The following ZHX2 variants were observed in gnomAD, a reference collection of about 807,000 sequenced individuals.
ZHX2 encodes the protein zinc fingers and homeoboxes protein 2.
ZHX2 carries 6 observed loss-of-function variants against 21.9 expected under a neutral mutation model. The observed-to-expected ratio is 0.27, with a 90% CI of 0.15 to 0.54. ZHX2 has a LOEUF of 0.54. Ranked by LOEUF, ZHX2 falls within the 20% of genes least tolerant of loss-of-function variation. The probability of loss-of-function intolerance (pLI) is 0.95; values close to 1 mark genes in which losing one functional copy is unlikely to be tolerated. For synonymous variants in ZHX2, 434 were observed against 437.1 expected (o/e 0.99, Z 0.09); for missense variants, 908 against 1,090.7 (o/e 0.83, Z 2.36).
At chr8:122,912,275 T>C (rs1469704476) in intron 2 of ZHX2, among the ~76,000 whole-genome samples, 3 of 152,184 alleles carry the variant, frequency 2.0e-5, no homozygotes, top group Admixed American at 2.0e-4. Context: ...GCCTTTTCAA[T>C]GCCTCTCCAG....
chr8:122,865,360 CCT>C (rs1819266406), intron 2 of ZHX2, among the ~76,000 whole-genome samples: 1 of 152,098 alleles, frequency 6.6e-6, no homozygotes, highest in East Asian at 1.9e-4. Context: ...GATCTCCTGA[CCT>C]CATGATCCGC....
At chr8:122,885,609 C>T (rs768510174) in intron 2 of ZHX2, among the ~76,000 whole-genome samples, 5 of 152,264 alleles carry the variant, frequency 3.3e-5, no homozygotes, top group Non-Finnish European at 7.3e-5. Context: ...TCCAAGGGGA[C>T]ATTGGGCAAC....
chr8:122,905,925 C>T (rs2129969268), intron 2 of ZHX2, among the ~76,000 whole-genome samples: 1 of 152,296 alleles, frequency 6.6e-6, no homozygotes. Flanking sequence ...AGCTTCCTCC[C>T]TTTTTTATAT....
chr8:122,964,472 C>T (rs1813530350), intron 3 of ZHX2, among the ~76,000 whole-genome samples: 1 of 151,984 alleles, frequency 6.6e-6, no homozygotes, highest in East Asian at 1.9e-4. Flanking sequence ...TAAACCAGCC[C>T]TGCATCCCTG....
chr8:122,881,847 G>A (rs536028947), intron 2 of ZHX2, among the ~76,000 whole-genome samples: 7 of 152,200 alleles, frequency 4.6e-5, no homozygotes, highest in East Asian at 3.9e-4. Flanking sequence ...GCCACTGCGC[G>A]ACTCTCACTA....
chr8:122,963,141 T>G (rs1018518899), intron 3 of ZHX2, among the ~76,000 whole-genome samples: 7 of 152,178 alleles, frequency 4.6e-5, no homozygotes, highest in Admixed American at 6.5e-5. Flanking sequence ...TCCCATCTAT[T>G]TATCTTTGTT....
chr8:122,851,395 G>A (rs1393655291), intron 1 of ZHX2, among the ~76,000 whole-genome samples: 1 of 152,214 alleles, frequency 6.6e-6, no homozygotes, highest in Non-Finnish European at 1.5e-5. Context: ...GATGATGACT[G>A]TGGTGATTAT....
At chr8:122,830,543 C>T (rs1818353772) in intron 1 of ZHX2, among the ~76,000 whole-genome samples, 1 of 152,090 alleles carries the variant, frequency 6.6e-6, no homozygotes, top group Non-Finnish European at 1.5e-5. Context: ...AAAAGAAAAC[C>T]TTAATTTTTA....
At chr8:122,840,957 T>C (rs1818610523) in intron 1 of ZHX2, among the ~76,000 whole-genome samples, 1 of 152,212 alleles carries the variant, frequency 6.6e-6, no homozygotes, top group East Asian at 1.9e-4. Context: ...CATGGTGCCA[T>C]GTTTCCTCTG....
intron 1 of ZHX2, among the ~76,000 whole-genome samples, chr8:122,786,928 T>G (rs752061647): frequency 2.6e-4 from 40 of 152,158 alleles, no homozygotes; most frequent in Non-Finnish European, 3.7e-4. Context: ...GACAAGATTA[T>G]TTCATTTTGA....
intron 2 of ZHX2, among the ~76,000 whole-genome samples, chr8:122,931,972 C>T (rs940572910): frequency 6.6e-6 from 1 of 152,068 alleles, no homozygotes; most frequent in African/African-American, 2.4e-5. Flanking sequence ...ACAGACAGTA[C>T]GAGCTGGTGC....
intron 2 of ZHX2, among the ~76,000 whole-genome samples, chr8:122,933,507 G>A (rs540684762): frequency 9.9e-5 from 15 of 152,098 alleles, no homozygotes; most frequent in Non-Finnish European, 1.8e-4. Context: ...GGGCGTGTAG[G>A]TGTGTGTGCT....
At chr8:122,901,302 A>G (rs1820224331) in intron 2 of ZHX2, among the ~76,000 whole-genome samples, 1 of 152,114 alleles carries the variant, frequency 6.6e-6, no homozygotes, top group Admixed American at 6.5e-5. Context: ...CTGGAAGAAA[A>G]TGTCATTGTG....
chr8:122,941,835 G>T (rs1812851568), intron 2 of ZHX2, among the ~76,000 whole-genome samples: 1 of 152,176 alleles, frequency 6.6e-6, no homozygotes, highest in Non-Finnish European at 1.5e-5. Context: ...ACATTCCCAG[G>T]CTCTGCACCT....
At chr8:122,968,874 G>A (rs1813650487) in intron 3 of ZHX2, among the ~76,000 whole-genome samples, 1 of 151,540 alleles carries the variant, frequency 6.6e-6, no homozygotes, top group Non-Finnish European at 1.5e-5. Context: ...ATATTATGAA[G>A]CAGACCAGAC....
chr8:122,811,124 A>G (rs73331763), intron 1 of ZHX2, among the ~76,000 whole-genome samples: 1 of 152,124 alleles, frequency 6.6e-6, no homozygotes, highest in African/African-American at 2.4e-5. Context: ...TTATACCTGT[A>G]ATCCCGGCAC....
intron 1 of ZHX2, among the ~76,000 whole-genome samples, chr8:122,793,711 G>A (rs1045507449): frequency 1.3e-5 from 2 of 152,238 alleles, no homozygotes; most frequent in Non-Finnish European, 2.9e-5. Context: ...TAGAAATGAT[G>A]AGAGCCTTCT....
chr8:122,909,025 C>A (rs1820414093), intron 2 of ZHX2, among the ~76,000 whole-genome samples: 1 of 152,170 alleles, frequency 6.6e-6, no homozygotes, highest in Admixed American at 6.5e-5. Flanking sequence ...CTACCAGGTT[C>A]CAGAAATCTG....
intron 1 of ZHX2, among the ~76,000 whole-genome samples, chr8:122,783,059 G>T (rs1325910667): frequency 1.3e-5 from 2 of 152,186 alleles, no homozygotes; most frequent in Non-Finnish European, 2.9e-5. Flanking sequence ...GGCGGAGGAG[G>T]AGGTGGAGGC....
Sources: gnomAD v4.1 joint callset for allele counts (sites outside exome capture counted in the v4.1 genomes callset) on GRCh38, gnomAD v4.1.1 for gene constraint, MANE v1.5 for transcripts, NCBI Gene and HGNC (gene_info 2026-07-23, HGNC 2026-07-21) for gene names.